TAFA5: variants seen among roughly 807,000 people sequenced by gnomAD.
TAFA5 encodes the protein chemokine-like protein TAFA-5.
A neutral mutation model predicts 15.3 loss-of-function variants in TAFA5; 6 were observed. The ratio of observed to expected loss-of-function variants is 0.39; its 90% CI spans 0.21 to 0.77. The LOEUF (loss-of-function observed/expected upper bound fraction) is 0.77, where lower values mean the gene tolerates loss of function less well. Ranked by LOEUF, TAFA5 falls within the 30% of genes least tolerant of loss-of-function variation. The pLI, the probability that TAFA5 is intolerant of heterozygous loss-of-function variation, is 0.41. For missense variants in TAFA5, 161 were observed against 193.1 expected (o/e 0.83, Z 0.98); for synonymous variants, 103 against 80.7 (o/e 1.28, Z -1.48).
At chr22:48,516,882 C>G (rs750332586) in intron 1 of TAFA5, among the ~76,000 whole-genome samples, 1 of 152,200 alleles carries the variant, frequency 6.6e-6, no homozygotes, top group African/African-American at 2.4e-5. Flanking sequence ...GTGCACGACC[C>G]CATCCAGGTC....
intron 1 of TAFA5, among the ~76,000 whole-genome samples, chr22:48,572,266 C>T (rs1380903576): frequency 6.6e-6 from 1 of 152,172 alleles, no homozygotes; most frequent in Non-Finnish European, 1.5e-5. Context: ...TGTGTAGTGA[C>T]CGGTCAGTGT....
At chr22:48,739,870 G>A (rs1383875004) in intron 3 of TAFA5, among the ~76,000 whole-genome samples, 2 of 152,054 alleles carry the variant, frequency 1.3e-5, no homozygotes, top group Non-Finnish European at 1.5e-5. Context: ...ATTCCCCGGC[G>A]CGAGGCACGA....
At chr22:48,548,529 A>C (rs969891493) in intron 1 of TAFA5, among the ~76,000 whole-genome samples, 7 of 152,208 alleles carry the variant, frequency 4.6e-5, no homozygotes, top group Admixed American at 4.6e-4. Context: ...GGTCAGCTAC[A>C]GTGGGGTCAG....
intron 2 of TAFA5, among the ~76,000 whole-genome samples, chr22:48,676,551 C>G (rs1927977219): frequency 2.0e-5 from 3 of 152,232 alleles, no homozygotes; most frequent in African/African-American, 7.2e-5. Context: ...ACGGCTCCCA[C>G]TCTCCAAGCC....
intron 1 of TAFA5, among the ~76,000 whole-genome samples, chr22:48,504,390 G>A (rs777885908): frequency 2.6e-5 from 4 of 152,222 alleles, no homozygotes; most frequent in Admixed American, 1.3e-4. Flanking sequence ...AAAGACTTCC[G>A]GGGGCTGGGC....
In TAFA5 at chr22:48,714,194, C is replaced by G. The variant is rs560307879; in HGVS notation, c.390+6350C>G. ...GCACCAGGGTCCCAGTTAAAGAGGACGAGACACTCACACTTCCTTTATGTG... is the reference window on the plus strand; with the variant it reads ...GCACCAGGGTCCCAGTTAAAGAGGAGGAGACACTCACACTTCCTTTATGTG... On this transcript the variant is annotated intron_variant, in intron 3 of 3. Coordinates refer to ENST00000402357, the MANE Select transcript of TAFA5 (RefSeq NM_001082967.3). 1.5e-3 allele frequency among the ~76,000 whole-genome samples: 225 copies of G among 152,298 alleles called. 2 individuals are homozygous for G. The highest frequency in any genetic ancestry group is 6.8e-4 in the Non-Finnish European group (46 of 68,020).
chr22:48,628,252 T>C (rs910577), intron 1 of TAFA5, among the ~76,000 whole-genome samples: 131,287 of 152,252 alleles, frequency 0.86, 57,081 homozygotes, highest in East Asian at 1. Context: ...CGTGGGGACA[T>C]GGGGAGGCTG....
intron 2 of TAFA5, among the ~76,000 whole-genome samples, chr22:48,647,887 T>A (rs983184380): frequency 6.6e-6 from 1 of 152,276 alleles, no homozygotes; most frequent in East Asian, 1.9e-4. Context: ...GTGGGGTCCC[T>A]GACGCCACTT....
At chr22:48,537,639 C>T (rs554266650) in intron 1 of TAFA5, among the ~76,000 whole-genome samples, 2 of 152,360 alleles carry the variant, frequency 1.3e-5, no homozygotes, top group Admixed American at 6.5e-5. Context: ...GCCATGGCCT[C>T]CTTCTTGTTT....
intron 2 of TAFA5, among the ~76,000 whole-genome samples, chr22:48,693,075 G>T (rs1321446069): frequency 6.6e-6 from 1 of 152,256 alleles, no homozygotes; most frequent in Non-Finnish European, 1.5e-5. Flanking sequence ...GCCCAAGGCC[G>T]TTGGAACGCT....
At chr22:48,610,306 G>A (rs114074907) in intron 1 of TAFA5, among the ~76,000 whole-genome samples, 3,365 of 152,322 alleles carry the variant, frequency 0.022, 96 homozygotes, top group African/African-American at 0.077. Flanking sequence ...CCCGTTGCTC[G>A]TGATTCTTTC....
intron 1 of TAFA5, among the ~76,000 whole-genome samples, chr22:48,528,006 T>G (rs1921839915): frequency 1.3e-5 from 2 of 152,256 alleles, no homozygotes; most frequent in South Asian, 4.1e-4. Context: ...CATGTGACCC[T>G]TGGTGCAGGG....
intron 1 of TAFA5, among the ~76,000 whole-genome samples, chr22:48,632,793 G>T (rs1178255254): frequency 6.6e-6 from 1 of 152,210 alleles, no homozygotes; most frequent in African/African-American, 2.4e-5. Flanking sequence ...CATCCCTGCA[G>T]AGAGAATTGA....
At chr22:48,551,721 A>T (rs1454178981) in intron 1 of TAFA5, among the ~76,000 whole-genome samples, 1 of 151,982 alleles carries the variant, frequency 6.6e-6, no homozygotes, top group Non-Finnish European at 1.5e-5. Context: ...CAGGTGCAGG[A>T]GGGGAGACGG....
At chr22:48,579,829 G>C (rs1009117347) in intron 1 of TAFA5, among the ~76,000 whole-genome samples, 1 of 152,192 alleles carries the variant, frequency 6.6e-6, no homozygotes, top group Admixed American at 6.5e-5. Context: ...CGGCAGAGAG[G>C]TTTCTGGGCT....
intron 1 of TAFA5, among the ~76,000 whole-genome samples, chr22:48,609,660 C>T (rs559535954): frequency 1.3e-5 from 2 of 152,182 alleles, no homozygotes; most frequent in African/African-American, 4.8e-5. Flanking sequence ...TATGAGTTCC[C>T]CAAGGCTGCT....
chr22:48,730,123 G>A (rs997468137), intron 3 of TAFA5, among the ~76,000 whole-genome samples: 5 of 152,204 alleles, frequency 3.3e-5, no homozygotes, highest in African/African-American at 9.7e-5. Context: ...GGTGGCTTAC[G>A]CCTGTAATCC....
At chr22:48,624,469 G>A (rs4925424) in intron 1 of TAFA5, among the ~76,000 whole-genome samples, 86,471 of 152,066 alleles carry the variant, frequency 0.57, 25,486 homozygotes, top group East Asian at 0.91. Flanking sequence ...ATTCTTCAGC[G>A]TCGGAGACAT....
At position 48,490,767 on chromosome 22, in the gene TAFA5, T is replaced by C. The variant is rs1170591047; in HGVS notation, c.112+1063T>C. Among the ~76,000 whole-genome samples the C allele has an allele frequency of 1.6e-5, 2 of 128,668 alleles. No homozygotes were observed. The highest frequency in any genetic ancestry group is 3.2e-5 in the African/African-American group (1 of 31,732). The allele number at this position is 128,668 out of a possible 152,430, so 84.4% of individuals were successfully genotyped here. On this transcript the variant is annotated intron_variant, in intron 1 of 3. Coordinates refer to ENST00000402357, the MANE Select transcript of TAFA5 (RefSeq NM_001082967.3). The surrounding 1 kb of genome is among the most constrained non-coding windows in gnomAD (Gnocchi z 5.8). ...GGGCGCGGGAGGTGATGGAAAAATA[T>C]GGATTCTTTACAAAAAAAAAAAAAA...
Sources: gnomAD v4.1 joint callset for allele counts (sites outside exome capture counted in the v4.1 genomes callset) on GRCh38, gnomAD v4.1.1 for gene constraint, Gnocchi (gnomAD v3.1) non-coding constraint, MANE v1.5 for transcripts, NCBI Gene and HGNC (gene_info 2026-07-23, HGNC 2026-07-21) for gene names.